WDR62: variants seen among roughly 807,000 people sequenced by gnomAD.
WDR62 encodes WD repeat domain 62.
Under a neutral mutation model 160.6 loss-of-function variants are expected in WDR62, and 112 were observed. The observed-to-expected ratio is 0.70, with a 90% CI of 0.60 to 0.82. The LOEUF is 0.82. Ranked by LOEUF, WDR62 falls within the 40% of genes least tolerant of loss-of-function variation. The pLI is 0.00. For missense variants in WDR62, 1,819 were observed against 1,983.8 expected, an observed-to-expected ratio of 0.92 and a Z score of 1.58; for synonymous variants, 792 against 815.1, an observed-to-expected ratio of 0.97 and a Z score of 0.48.
At chr19:36,065,288 C>T (rs1349817373) in intron 3 of WDR62, among the ~76,000 whole-genome samples, 1 of 152,202 alleles carries the variant, frequency 6.6e-6, no homozygotes, top group Non-Finnish European at 1.5e-5. Flanking sequence ...TAGTTATCTA[C>T]ACACCAATTT....
intron 8 of WDR62, among the ~76,000 whole-genome samples, chr19:36,072,971 A>C (rs1037462209): frequency 6.6e-6 from 1 of 152,218 alleles, no homozygotes; most frequent in African/African-American, 2.4e-5. Context: ...CTTAGGACAC[A>C]GAGGCTTTTT....
chr19:36,081,619 C>A, intron 10 of WDR62, 49 bp downstream of exon 10: 2 of 1,613,606 alleles, frequency 1.2e-6, no homozygotes, highest in Non-Finnish European at 1.7e-6. Flanking sequence ...CAAAGACCTA[C>A]TGTAAGCTTG....
At chr19:36,103,229 G>A (rs776292285) in intron 29 of WDR62, 22 bp downstream of exon 29, 17 of 1,612,910 alleles carry the variant, frequency 1.1e-5, no homozygotes, top group African/African-American at 4.0e-5. Flanking sequence ...AGTCCCAGAC[G>A]GACAGTCCTG....
intron 1 of WDR62, among the ~76,000 whole-genome samples, chr19:36,057,406 C>T (rs955368257): frequency 6.6e-6 from 1 of 152,104 alleles, no homozygotes; most frequent in Admixed American, 6.6e-5. Context: ...TAATGCTGAT[C>T]GACAGATAAG....
rs376638125 is a variant in WDR62, at chr19:36,092,676, T to C, written c.2211-13T>C. 8.1e-6 allele frequency: 13 copies of C among 1,613,888 alleles called. No homozygotes were observed. The African/African-American group carries it at 1.5e-4, about 18-fold the overall frequency. ...CTTCCTCTGCCTTGTGTGTCTCTCT[T>C]TGACCTCCGCAGCTGCGTGTTCATC... On this transcript the variant is annotated splice_polypyrimidine_tract_variant and intron_variant, in intron 18 of 31. Coordinates refer to ENST00000401500, the MANE Select transcript of WDR62 (RefSeq NM_001083961.2).
chr19:36,059,015 A>G, intron 2 of WDR62, 144 bp downstream of exon 2: 1 of 743,434 alleles, frequency 1.3e-6, no homozygotes, highest in South Asian at 1.5e-5. Flanking sequence ...AGCTGTGGAG[A>G]GGATTCCATA....
At chr19:36,073,064 G>A (rs1971382648) in intron 8 of WDR62, among the ~76,000 whole-genome samples, 1 of 152,126 alleles carries the variant, frequency 6.6e-6, no homozygotes, top group Admixed American at 6.5e-5. Context: ...GAGAGCAGGA[G>A]CTTGGGTTGG....
At position 36,103,149 on chromosome 19, in the gene WDR62, C is replaced by A; in HGVS notation, c.3463-7C>A. On this transcript the variant is annotated splice_region_variant and splice_polypyrimidine_tract_variant and intron_variant, in intron 28 of 31. Transcript: ENST00000401500. ...GCCTTGTCCTCACCTCAGAGCTGTG[C>A]CTGCAGGTCCTCGCTGCAGGGAAGG... 1 of 1,614,090 alleles carries A rather than the reference C, an allele frequency of 6.2e-7. No homozygotes were observed. The highest frequency in any genetic ancestry group is 8.5e-7 in the Non-Finnish European group (1 of 1,180,044).
Position 36,092,761 on chromosome 19 carries a change from C to T in WDR62, c.2283C>T (p.His761=). Residue 761 remains histidine, a synonymous_variant, in exon 19 of 32, where the codon CAC becomes CAT. Coordinates refer to ENST00000401500, the MANE Select transcript of WDR62 (RefSeq NM_001083961.2). ...CMKQHLLEID[H]RQQQQHTNDK... ...AGCAGCACTTGCTGGAGATTGACCA[C>T]CGGCAGCAGCAGCAGCACACAAATG... 1 of 1,614,168 alleles carries T rather than the reference C, an allele frequency of 6.2e-7. No homozygotes were observed. The highest frequency in any genetic ancestry group is 8.5e-7 in the Non-Finnish European group (1 of 1,180,014).
intron 13 of WDR62, among the ~76,000 whole-genome samples, chr19:36,088,793 C>A (rs1972409394): frequency 6.6e-6 from 1 of 152,222 alleles, no homozygotes; most frequent in Non-Finnish European, 1.5e-5. Context: ...TTGTCCCCAG[C>A]CTTTGTTTCT....
At chr19:36,091,601 A>C in intron 18 of WDR62, 136 bp downstream of exon 18, 1 of 866,656 alleles carries the variant, frequency 1.2e-6, no homozygotes, top group Non-Finnish European at 1.9e-6. Context: ...CCCTGAGTTC[A>C]AATACCAGCT....
At chr19:36,101,156 A>G in intron 23 of WDR62, 58 bp from the exon 24 acceptor site, 2 of 1,499,490 alleles carry the variant, frequency 1.3e-6, no homozygotes. Flanking sequence ...GGGTGGGGCT[A>G]GCTGTTGAGT....
intron 23 of WDR62, 75 bp downstream of exon 23, chr19:36,100,950 TC>T (rs1973292820): frequency 6.2e-7 from 1 of 1,606,054 alleles, no homozygotes; most frequent in Non-Finnish European, 8.5e-7. Flanking sequence ...GAAGAAGTGC[TC>T]TCTGCCTTCC....
intron 6 of WDR62, among the ~76,000 whole-genome samples, 174 bp from the exon 7 acceptor site, chr19:36,067,654 T>C (rs1261732609): frequency 6.6e-6 from 1 of 152,242 alleles, no homozygotes; most frequent in African/African-American, 2.4e-5. Context: ...GCTCTCATTC[T>C]TGGACTGCTG....
chr19:36,074,172 C>T (rs957217112), intron 9 of WDR62: 11 of 198,904 alleles, frequency 5.5e-5, no homozygotes, highest in Non-Finnish European at 1.0e-4. Context: ...GTAGCACACA[C>T]GTGTGGTCCC....
At chr19:36,101,834 CAATGTCT>C (rs1973364084) in intron 25 of WDR62, 60 bp downstream of exon 25, 1 of 1,509,290 alleles carries the variant, frequency 6.6e-7, no homozygotes, top group African/African-American at 1.4e-5. Context: ...GGGCCAGTCA[CAATGTCT>C]AAGCACAGGC....
At chr19:36,063,512 A>G (rs935693191) in intron 3 of WDR62, among the ~76,000 whole-genome samples, 6 of 152,082 alleles carry the variant, frequency 3.9e-5, no homozygotes, top group Non-Finnish European at 8.8e-5. Flanking sequence ...CGGCCTCCCA[A>G]AGTGCTGGGA....
At chr19:36,055,994 G>A (rs1006196376) in intron 1 of WDR62, among the ~76,000 whole-genome samples, 3 of 152,058 alleles carry the variant, frequency 2.0e-5, no homozygotes, top group Non-Finnish European at 4.4e-5. Flanking sequence ...GGTGAAACCC[G>A]TCTCTACAAA....
At chr19:36,099,661 G>T (rs1330522319) in intron 22 of WDR62, 44 bp downstream of exon 22, 1 of 1,600,434 alleles carries the variant, frequency 6.2e-7, no homozygotes. Flanking sequence ...CCGGCACCGT[G>T]ACGGCCCCAG....
Sources: gnomAD v4.1 joint callset for allele counts (sites outside exome capture counted in the v4.1 genomes callset) on GRCh38, gnomAD v4.1.1 for gene constraint, MANE v1.5 for transcripts, NCBI Gene and HGNC (gene_info 2026-07-23, HGNC 2026-07-21) for gene names.